OLA1: variants seen among roughly 807,000 people sequenced by gnomAD.
OLA1 encodes the protein obg-like ATPase 1.
Under a neutral mutation model 48.4 loss-of-function variants are expected in OLA1, and 14 were observed. The ratio of observed to expected loss-of-function variants is 0.29; its 90% confidence interval spans 0.19 to 0.45. The LOEUF (loss-of-function observed/expected upper bound fraction) is 0.45. OLA1 is among the 20% of genes least tolerant of loss of function. The pLI, the probability that OLA1 is intolerant of heterozygous loss-of-function variation, is 1.00. For missense variants in OLA1, 325 were observed against 467.1 expected (o/e 0.70, Z 2.80); for synonymous variants, 127 against 150.4 (o/e 0.84, Z 1.14).
chr2:174,115,645 C>T (rs1366566671), intron 7 of OLA1, among the ~76,000 whole-genome samples: 1 of 151,970 alleles, frequency 6.6e-6, no homozygotes, highest in East Asian at 1.9e-4. Flanking sequence ...CTCCTGTTTC[C>T]TTCTCCAACT....
chr2:174,076,926 T>C (rs955722781), intron 10 of OLA1, among the ~76,000 whole-genome samples: 1 of 152,060 alleles, frequency 6.6e-6, no homozygotes, highest in African/African-American at 2.4e-5. Flanking sequence ...TATAAAACTA[T>C]ATAGACAATA....
chr2:174,201,855 G>A (rs1687997943), intron 4 of OLA1, among the ~76,000 whole-genome samples: 1 of 152,100 alleles, frequency 6.6e-6, no homozygotes. Context: ...CAACTATCAA[G>A]GGATATCATT....
intron 4 of OLA1, among the ~76,000 whole-genome samples, chr2:174,151,870 G>A (rs577795894): frequency 1.6e-4 from 24 of 152,242 alleles, no homozygotes; most frequent in African/African-American, 4.6e-4. Flanking sequence ...TGAACGGGAC[G>A]AGGGACGAGG....
At chr2:174,126,514 T>C (rs1300578860) in intron 5 of OLA1, among the ~76,000 whole-genome samples, 3 of 152,174 alleles carry the variant, frequency 2.0e-5, no homozygotes, top group Non-Finnish European at 4.4e-5. Flanking sequence ...AAATTCCTGG[T>C]CATTTGAACT....
At chr2:174,130,441 C>T (rs1686155451) in intron 5 of OLA1, among the ~76,000 whole-genome samples, 1 of 152,170 alleles carries the variant, frequency 6.6e-6, no homozygotes, top group Non-Finnish European at 1.5e-5. Context: ...CAATTGTAGG[C>T]TTTCAGTTAT....
At chr2:174,145,954 A>G (rs746022740) in intron 4 of OLA1, among the ~76,000 whole-genome samples, 2 of 152,188 alleles carry the variant, frequency 1.3e-5, no homozygotes, top group Non-Finnish European at 2.9e-5. Flanking sequence ...AAGAGTGAGG[A>G]GTTGTGCAAT....
At chr2:174,231,857 T>C (rs1353406707) in intron 2 of OLA1, among the ~76,000 whole-genome samples, 1 of 152,238 alleles carries the variant, frequency 6.6e-6, no homozygotes, top group Non-Finnish European at 1.5e-5. Flanking sequence ...CATTTTGATC[T>C]ATTCAAATCT....
chr2:174,133,072 T>C (rs1439645658), intron 5 of OLA1, among the ~76,000 whole-genome samples: 2 of 152,202 alleles, frequency 1.3e-5, no homozygotes, highest in African/African-American at 4.8e-5. Flanking sequence ...ACATTTGGCA[T>C]TATGAAATGC....
intron 2 of OLA1, among the ~76,000 whole-genome samples, chr2:174,246,102 C>A (rs1260833518): frequency 1.3e-5 from 2 of 151,616 alleles, no homozygotes; most frequent in Non-Finnish European, 2.9e-5. Flanking sequence ...GGGTTCAAGA[C>A]CAGCCTGGCC....
intron 7 of OLA1, among the ~76,000 whole-genome samples, chr2:174,112,808 TA>T (rs1157630747): frequency 6.6e-6 from 1 of 152,166 alleles, no homozygotes; most frequent in East Asian, 1.9e-4. Flanking sequence ...ATGAACCAAA[TA>T]AATTTCTCTT....
chr2:174,228,689 A>G (rs1688664784), intron 3 of OLA1, among the ~76,000 whole-genome samples: 1 of 152,224 alleles, frequency 6.6e-6, no homozygotes, highest in Non-Finnish European at 1.5e-5. Context: ...TAAAAATTCT[A>G]CTACCCAGAG....
intron 5 of OLA1, among the ~76,000 whole-genome samples, chr2:174,133,808 C>T (rs1157919423): frequency 6.6e-6 from 1 of 152,192 alleles, no homozygotes; most frequent in Non-Finnish European, 1.5e-5. Context: ...AATTAGCCAT[C>T]TGAACATAAT....
intron 7 of OLA1, among the ~76,000 whole-genome samples, chr2:174,110,794 C>T (rs1192629067): frequency 3.9e-5 from 6 of 152,094 alleles, no homozygotes; most frequent in Admixed American, 3.3e-4. Flanking sequence ...ATTGCTTAGG[C>T]TGGTCTCGAA....
chr2:174,194,639 T>C (rs1049059550), intron 4 of OLA1, among the ~76,000 whole-genome samples: 1 of 152,190 alleles, frequency 6.6e-6, no homozygotes, highest in Admixed American at 6.5e-5. Flanking sequence ...TAAATTAACA[T>C]GTGCCCAATT....
intron 4 of OLA1, among the ~76,000 whole-genome samples, chr2:174,219,240 A>G (rs1688437450): frequency 6.6e-6 from 1 of 151,408 alleles, no homozygotes; most frequent in South Asian, 2.1e-4. Context: ...CCAGGAGTTC[A>G]AGACCAGCCC....
intron 7 of OLA1, among the ~76,000 whole-genome samples, chr2:174,082,728 A>G (rs1447735155): frequency 6.6e-6 from 1 of 152,180 alleles, no homozygotes; most frequent in Non-Finnish European, 1.5e-5. Flanking sequence ...TTTAATCACA[A>G]AGGATTTGGA....
chr2:174,219,423 CTTTTTTTT>C (rs372577919), intron 4 of OLA1, among the ~76,000 whole-genome samples: 6 of 94,896 alleles, frequency 6.3e-5, no homozygotes, highest in Non-Finnish European at 9.7e-5. Context: ...TTTTATTTCC[CTTTTTTTT>C]TTTTTTTTTT....
chr2:174,130,657 G>A, intron 5 of OLA1, among the ~76,000 whole-genome samples: 1 of 152,160 alleles, frequency 6.6e-6, no homozygotes, highest in South Asian at 2.1e-4. Context: ...CATGTTTGAG[G>A]AAGGGTCTGG....
rs550432376 is a variant in OLA1 at position 174,118,957 on chromosome 2, T to G, written c.728+4223A>C. Among the ~76,000 whole-genome samples the G allele has an allele frequency of 3.3e-5, 5 of 152,296 alleles. No individual in the cohort carries two copies. In the East Asian group the frequency reaches 9.6e-4, roughly 29 times the overall value. On this transcript the variant is annotated intron_variant, in intron 7 of 10. Coordinates refer to ENST00000284719, the MANE Select transcript of OLA1 (RefSeq NM_013341.5). Reference sequence around the variant, plus strand: ...TCATAAGAAACCAGAAGTGCACTACTGTATTGTTATCTCTCGATAAGAATA... The same window carrying G: ...TCATAAGAAACCAGAAGTGCACTACGGTATTGTTATCTCTCGATAAGAATA...
Sources: allele counts gnomAD v4.1 joint callset (sites outside exome capture counted in the v4.1 genomes callset), GRCh38; gene constraint gnomAD v4.1.1; transcripts MANE v1.5; gene names NCBI Gene and HGNC (gene_info 2026-07-23, HGNC 2026-07-21).